PLP1: variants seen among roughly 807,000 people sequenced by gnomAD.
PLP1 encodes the protein myelin proteolipid protein.
In PLP1, 2 loss-of-function variants were observed where a neutral mutation model predicts 18.5. The ratio of observed to expected loss-of-function variants is 0.11; its 90% confidence interval spans 0.04 to 0.34. PLP1 has a LOEUF of 0.34. Among genes scored for constraint, PLP1 ranks in the 10% least tolerant of loss-of-function variants. The pLI, the probability that PLP1 is intolerant of heterozygous loss-of-function variation, is 1.00. For missense variants in PLP1, 105 were observed against 207.3 expected (o/e 0.51, Z 3.03); for synonymous variants, 86 against 83.2 (o/e 1.03, Z -0.19).
chrX:103,785,566 C>A lies in PLP1; in HGVS notation c.5-16C>A. On this transcript the variant is annotated splice_polypyrimidine_tract_variant and intron_variant, in intron 1 of 6. Coordinates refer to ENST00000621218, the MANE Select transcript of PLP1 (RefSeq NM_000533.5). ...CTACTGGATGTGCCTGACTGTTTCC[C>A]CTTCTTCTTCCCCAGGCTTGTTAGA... is the stretch of plus-strand genomic sequence containing the variant. The A allele has an allele frequency of 1.2e-5, 15 of 1,202,238 alleles. No individual in the cohort carries two copies. Among genetic ancestry groups the A allele is most frequent in the Non-Finnish European group, 1.7e-5 (15 of 887,620 alleles).
rs1485904375 is a variant in PLP1 at position 103,791,565 on chromosome X, C to T, written c.*967C>T. On this transcript the variant is annotated 3_prime_UTR_variant, in exon 7 of 7. Transcript: ENST00000621218. ...CTGTTAATTAGTTGTGTACTCTGGC[C>T]TCTGTCATATCTTCACAATGGTGCT... 8.9e-6 allele frequency: 1 copy of T among 112,364 alleles called. No homozygotes were observed. Among genetic ancestry groups the T allele is most frequent in the East Asian group, 2.8e-4 (1 of 3,589 alleles). 9.3% of individuals were successfully genotyped at this position (112,364 alleles called of 1,213,427 possible). A position where few individuals can be genotyped will look rare whatever the true frequency, so the allele number is the denominator to read the frequency against.
rs12353803 is a variant in PLP1 at position 103,782,407 on chromosome X, G to T, written c.5-3175G>T. Reference sequence around the variant, plus strand: ...AGTTCTAAGAAAATAGAGGAAAAATGGATGTAAAAAGAAAGGCTATGATCT... The same window carrying T: ...AGTTCTAAGAAAATAGAGGAAAAATTGATGTAAAAAGAAAGGCTATGATCT... On this transcript the variant is annotated intron_variant, in intron 1 of 6. Transcript: ENST00000621218. Among the ~76,000 whole-genome samples, 931 of 111,888 alleles carry T rather than the reference G, an allele frequency of 8.3e-3. 10 individuals carry two copies. The highest frequency in any genetic ancestry group is 0.029 in the African/African-American group (879 of 30,788).
rs2074524599 is a variant in PLP1, at chrX:103,789,276, G to A, written c.697-57G>A. ...CAGAAAGCTGTATTCATGATTTACA[G>A]TGGAGCATATTACTGCTGTTGCAAG... On this transcript the variant is annotated intron_variant, in intron 5 of 6. Transcript: ENST00000621218. The A allele has an allele frequency of 1.1e-5, 9 of 823,681 alleles. No individual in the cohort carries two copies. In the South Asian group the frequency reaches 1.6e-4, roughly 15 times the overall value. The allele number at this position is 823,681 out of a possible 1,213,427, so 67.9% of individuals were successfully genotyped here.
In PLP1 at chrX:103,790,656, T is replaced by A. The variant is rs1272838998; in HGVS notation, c.*58T>A. 1 of 850,947 alleles carries A rather than the reference T, an allele frequency of 1.2e-6. No individual in the cohort carries two copies. The highest frequency in any genetic ancestry group is 2.0e-5 in the African/African-American group (1 of 50,131). 70.1% of individuals were successfully genotyped at this position (850,947 alleles called of 1,213,427 possible). A position where few individuals can be genotyped will look rare whatever the true frequency, so the allele number is the denominator to read the frequency against. On this transcript the variant is annotated 3_prime_UTR_variant, in exon 7 of 7. Coordinates refer to ENST00000621218, the MANE Select transcript of PLP1 (RefSeq NM_000533.5). Reference sequence around the variant, plus strand: ...GAGGCTCTAACCACACAGCCTACAATGCTGCGTCTCCCATCTTAACTCTTT... The same window carrying A: ...GAGGCTCTAACCACACAGCCTACAAAGCTGCGTCTCCCATCTTAACTCTTT...
chrX:103,781,842 G>C (rs2074456327), intron 1 of PLP1, among the ~76,000 whole-genome samples: 2 of 112,295 alleles, frequency 1.8e-5, no homozygotes, highest in Admixed American at 1.9e-4. Context: ...GGAAATGTGA[G>C]AATGTCTCTT....
chrX:103,785,147 C>T (rs756669508), intron 1 of PLP1, among the ~76,000 whole-genome samples: 12 of 110,803 alleles, frequency 1.1e-4, no homozygotes, highest in Non-Finnish European at 2.1e-4. Context: ...GCAATCTTGG[C>T]TCACGGCAAC....
intron 1 of PLP1, chrX:103,781,205 C>A: frequency 3.5e-6 from 1 of 284,371 alleles, no homozygotes; most frequent in Non-Finnish European, 7.1e-6. Flanking sequence ...TTGAGGCGGG[C>A]CCAGGGCATG....
intron 1 of PLP1, among the ~76,000 whole-genome samples, chrX:103,778,412 G>A (rs955154257): frequency 8.9e-6 from 1 of 112,092 alleles, no homozygotes; most frequent in Admixed American, 9.4e-5. Context: ...CAGATGAGAG[G>A]TGAATGTTGG....
chrX:103,778,660 C>A (rs747822336), intron 1 of PLP1, among the ~76,000 whole-genome samples: 1 of 111,454 alleles, frequency 9.0e-6, no homozygotes, highest in African/African-American at 3.3e-5. Context: ...GATAAGGGCA[C>A]GATTGAGGAT....
In PLP1 at chrX:103,791,924, G is replaced by A. The variant is rs897128880; in HGVS notation, c.*1326G>A. ...AGCTAATGGAAAATGATTTTACTTA[G>A]CAATGTTATCTTGGTGTGTTAAGAG... On this transcript the variant is annotated 3_prime_UTR_variant, in exon 7 of 7. Coordinates refer to ENST00000621218, the MANE Select transcript of PLP1 (RefSeq NM_000533.5). 3 of 111,995 alleles carry A rather than the reference G, an allele frequency of 2.7e-5. No individual in the cohort carries two copies. Among genetic ancestry groups the A allele is most frequent in the Non-Finnish European group, 3.8e-5 (2 of 53,196 alleles). 9.2% of individuals were successfully genotyped at this position (111,995 alleles called of 1,213,427 possible). A position where few individuals can be genotyped will look rare whatever the true frequency, so the allele number is the denominator to read the frequency against.
At chrX:103,779,564 A>G (rs192304072) in intron 1 of PLP1, among the ~76,000 whole-genome samples, 440 of 111,571 alleles carry the variant, frequency 3.9e-3, no homozygotes, top group Middle Eastern at 0.014. Flanking sequence ...TCTCTACCTC[A>G]CTTCTCCCTT....
At chrX:103,786,278 A>G in intron 2 of PLP1, 187 bp from the exon 3 acceptor site, 2 of 1,094,421 alleles carry the variant, frequency 1.8e-6, no homozygotes, top group Non-Finnish European at 2.5e-6. Flanking sequence ...GGTCACATAC[A>G]CCCTGTCTTC....
intron 3 of PLP1, 42 bp downstream of exon 3, chrX:103,786,768 G>A: frequency 1.7e-6 from 2 of 1,189,692 alleles, no homozygotes; most frequent in Non-Finnish European, 2.3e-6. Context: ...AAGGGGTGGG[G>A]GAAAATTGGG....
intron 1 of PLP1, chrX:103,781,192 T>C: frequency 3.8e-6 from 1 of 264,660 alleles, no homozygotes; most frequent in South Asian, 3.6e-5. Context: ...ATGGAGCTGG[T>C]CCTTGAGGCG....
chrX:103,780,198 G>A (rs1292579867), intron 1 of PLP1: 4 of 112,721 alleles, frequency 3.5e-5, no homozygotes, highest in Admixed American at 9.4e-5. Context: ...AAGAGAATAA[G>A]GTTCCCCAAA....
Position 103,776,885 on chromosome X carries a change from G to C in PLP1, c.-111G>C, listed in dbSNP as rs2074414919. Reference sequence around the variant, plus strand: ...GGACAAAGATACTCAGAGAGAAAAAGTAAAAGACCGAAGAAGGAGGCTGGA... The same window carrying C: ...GGACAAAGATACTCAGAGAGAAAAACTAAAAGACCGAAGAAGGAGGCTGGA... On this transcript the variant is annotated 5_prime_UTR_variant, in exon 1 of 7. Coordinates refer to ENST00000621218, the MANE Select transcript of PLP1 (RefSeq NM_000533.5). The C allele has an allele frequency of 8.0e-6, 6 of 753,111 alleles. No homozygotes were observed. The Admixed American group carries it at 1.5e-4, about 19-fold the overall frequency. The allele number at this position is 753,111 out of a possible 1,213,427, so 62.1% of individuals were successfully genotyped here. A position where few individuals can be genotyped will look rare whatever the true frequency, so the allele number is the denominator to read the frequency against.
In PLP1 at chrX:103,786,610, C is replaced by G. The variant is rs2074499205; in HGVS notation, c.337C>G (p.Leu113Val). ...DYKTTICGKGLSATVTGGQKG... is the reference protein window; with the variant it reads ...DYKTTICGKGVSATVTGGQKG... ...CAAGACCACCATCTGCGGCAAGGGC[C>G]TGAGCGCAACGGTAACAGGGGGCCA... Residue 113 changes from leucine (L) to valine (V), a missense_variant, in exon 3 of 7, where the codon CTG becomes GTG. Coordinates refer to ENST00000621218, the MANE Select transcript of PLP1 (RefSeq NM_000533.5). The G allele has an allele frequency of 8.3e-7, 1 of 1,211,763 alleles. No individual in the cohort carries two copies. The highest frequency in any genetic ancestry group is 2.2e-5 in the Admixed American group (1 of 46,047).
chrX:103,783,363 A>G (rs2074469361), intron 1 of PLP1, among the ~76,000 whole-genome samples: 2 of 112,625 alleles, frequency 1.8e-5, no homozygotes, highest in Admixed American at 1.9e-4. Flanking sequence ...ATTGCTTCTT[A>G]TAGAGGCCAA....
At chrX:103,785,537 C>A (rs368423174) in intron 1 of PLP1, 45 bp from the exon 2 acceptor site, 10 of 1,100,897 alleles carry the variant, frequency 9.1e-6, no homozygotes, top group African/African-American at 1.8e-5. Flanking sequence ...GTGGCATGAG[C>A]TACCTACTGG....
Sources: gnomAD v4.1 joint callset for allele counts (sites outside exome capture counted in the v4.1 genomes callset) on GRCh38, gnomAD v4.1.1 for gene constraint, MANE v1.5 for transcripts, NCBI Gene and HGNC (gene_info 2026-07-23, HGNC 2026-07-21) for gene names.